Variants in B4GALT5 observed in about 807,000 individuals in gnomAD.
The protein encoded by B4GALT5 is UDP-Gal:beta-GlcNAc beta-1,4-galactosyltransferase 5.
In B4GALT5, 11 loss-of-function variants were observed where a neutral mutation model predicts 45.0. The ratio of observed to expected loss-of-function variants is 0.24; its 90% confidence interval spans 0.15 to 0.40. The LOEUF (loss-of-function observed/expected upper bound fraction) is 0.40. Among genes scored for constraint, B4GALT5 ranks in the 10% least tolerant of loss-of-function variants. The pLI is 1.00. For missense variants in B4GALT5, 337 were observed against 500.2 expected (o/e 0.67, Z 3.11); for synonymous variants, 185 against 182.9 (o/e 1.01, Z -0.09).
At chr20:49,668,862 C>A (rs938141729) in intron 1 of B4GALT5, among the ~76,000 whole-genome samples, 12 of 152,100 alleles carry the variant, frequency 7.9e-5, no homozygotes, top group African/African-American at 2.9e-4. Flanking sequence ...GACACCCGCT[C>A]ATACTAAGCT....
chr20:49,704,803 AT>A (rs11477983), intron 1 of B4GALT5, among the ~76,000 whole-genome samples: 1,897 of 152,106 alleles, frequency 0.012, 40 homozygotes, highest in African/African-American at 0.044. Context: ...ACTCCACAAT[AT>A]TTTTCATCTT....
At chr20:49,682,740 A>T (rs1347737933) in intron 1 of B4GALT5, among the ~76,000 whole-genome samples, 2 of 145,656 alleles carry the variant, frequency 1.4e-5, no homozygotes, top group East Asian at 3.9e-4. Context: ...CAGCAGCCCA[A>T]TAAATATTTG....
At chr20:49,664,256 T>A (rs1282811703) in intron 1 of B4GALT5, among the ~76,000 whole-genome samples, 1 of 152,098 alleles carries the variant, frequency 6.6e-6, no homozygotes, top group Non-Finnish European at 1.5e-5. Flanking sequence ...TCTCACTCTG[T>A]CACCCAGGTT....
chr20:49,636,864 G>C (rs2085555939), intron 8 of B4GALT5, among the ~76,000 whole-genome samples: 1 of 151,032 alleles, frequency 6.6e-6, no homozygotes, highest in Admixed American at 6.6e-5. Flanking sequence ...TCAGCAATTA[G>C]AATTGGTTGT....
In B4GALT5 at chr20:49,647,008, G is replaced by C. The variant is rs1207557776; in HGVS notation, c.321C>G (p.Thr107=). 1 of 1,613,936 alleles carries C rather than the reference G, an allele frequency of 6.2e-7. No individual in the cohort carries two copies. The highest frequency in any genetic ancestry group is 1.3e-5 in the African/African-American group (1 of 74,944). The change falls in exon 3 of 9, where the codon ACC becomes ACG. Residue 107 remains threonine, a synonymous_variant. Coordinates refer to ENST00000371711, the MANE Select transcript of B4GALT5 (RefSeq NM_004776.4). The part of the protein sequence containing the change: ...QTTTFLPEDF[T]YFANHTCPER... ...CAGGGCAGGTATGGTTTGCAAAGTA[G>C]GTGAAGTCTTCAGGAAGAAATGTTG...
Position 49,656,583 on chromosome 20 carries a change from T to G in B4GALT5, c.235A>C (p.Ser79Arg). 6.2e-7 allele frequency: 1 copy of G among 1,614,186 alleles called. No homozygotes were observed. Among genetic ancestry groups the G allele is most frequent in the Non-Finnish European group, 8.5e-7 (1 of 1,180,018 alleles). Residue 79 changes from serine to arginine, a missense_variant, in exon 2 of 9, where the codon AGT becomes CGT. Physicochemically the swap from Ser to Arg is moderately radical, Grantham distance 110 (BLOSUM62 -1). Coordinates refer to ENST00000371711, the MANE Select transcript of B4GALT5 (RefSeq NM_004776.4). ...AAAAATATACCTGAGTCATTTACAC[T>G]GCTGTTCCTCTTGGCATAAGCACTC... is the stretch of plus-strand genomic sequence containing the variant. ...LRSAYAKRNS[S>R]VNDSDYPLDL...
At chr20:49,700,075 T>A (rs928961790) in intron 1 of B4GALT5, among the ~76,000 whole-genome samples, 5 of 152,162 alleles carry the variant, frequency 3.3e-5, no homozygotes, top group Non-Finnish European at 5.9e-5. Context: ...TTGCCTCCTA[T>A]CTACCACGCC....
chr20:49,656,429 T>A (rs2085643210), intron 2 of B4GALT5, 139 bp downstream of exon 2: 1 of 1,095,962 alleles, frequency 9.1e-7, no homozygotes, highest in Admixed American at 2.3e-5. Context: ...TGGCAAGAGC[T>A]TTTTTAGCAG....
chr20:49,712,558 C>T (rs373276742), intron 1 of B4GALT5, among the ~76,000 whole-genome samples: 47 of 152,268 alleles, frequency 3.1e-4, no homozygotes, highest in African/African-American at 1.0e-3. Flanking sequence ...CATCTTTCCT[C>T]CATGCTCCCC....
chr20:49,690,283 G>A (rs185593167), intron 1 of B4GALT5, among the ~76,000 whole-genome samples: 211 of 152,304 alleles, frequency 1.4e-3, no homozygotes, highest in Admixed American at 0.013. Flanking sequence ...GGGGATTACA[G>A]GCATGAGCCA....
chr20:49,703,741 T>A (rs1192786504), intron 1 of B4GALT5, among the ~76,000 whole-genome samples: 2 of 143,454 alleles, frequency 1.4e-5, no homozygotes, highest in Admixed American at 6.9e-5. Context: ...AAAAAAAAAA[T>A]AGCCAGGGGT....
intron 1 of B4GALT5, among the ~76,000 whole-genome samples, chr20:49,681,278 C>T (rs1176691544): frequency 2.0e-5 from 3 of 150,268 alleles, no homozygotes; most frequent in South Asian, 2.1e-4. Context: ...TAAACTTAGC[C>T]GGAAGGACAC....
intron 2 of B4GALT5, among the ~76,000 whole-genome samples, chr20:49,651,171 G>A (rs1304237805): frequency 2.6e-5 from 4 of 151,306 alleles, no homozygotes; most frequent in African/African-American, 4.9e-5. Flanking sequence ...CTGTAGCTCC[G>A]GCTACTCAGG....
chr20:49,643,428 T>C, intron 4 of B4GALT5, 98 bp downstream of exon 4: 1 of 1,478,204 alleles, frequency 6.8e-7, no homozygotes, highest in Non-Finnish European at 9.2e-7. Context: ...AGGATGAAAA[T>C]GACAAAATGT....
intron 1 of B4GALT5, among the ~76,000 whole-genome samples, chr20:49,703,140 C>T (rs1316037721): frequency 1.4e-5 from 2 of 143,214 alleles, no homozygotes; most frequent in Non-Finnish European, 3.0e-5. Flanking sequence ...CGCCACTGCA[C>T]TCCAGCCTGG....
chr20:49,691,121 A>G (rs1235789155), intron 1 of B4GALT5, among the ~76,000 whole-genome samples: 1 of 152,192 alleles, frequency 6.6e-6, no homozygotes, highest in Non-Finnish European at 1.5e-5. Context: ...TAAGTAATTT[A>G]TTATTAATTT....
intron 8 of B4GALT5, 134 bp from the exon 9 acceptor site, chr20:49,636,593 A>T (rs568133149): frequency 1.0e-6 from 1 of 990,076 alleles, no homozygotes; most frequent in East Asian, 2.6e-5. Flanking sequence ...AGGTGGGCGC[A>T]CGGCCAATTC....
At chr20:49,660,665 T>C (rs1331928034) in intron 1 of B4GALT5, among the ~76,000 whole-genome samples, 1 of 152,208 alleles carries the variant, frequency 6.6e-6, no homozygotes, top group Non-Finnish European at 1.5e-5. Context: ...AATCAAACTG[T>C]AGGACCTTTC....
chr20:49,690,358 G>A (rs1167937420), intron 1 of B4GALT5, among the ~76,000 whole-genome samples: 1 of 152,006 alleles, frequency 6.6e-6, no homozygotes, highest in African/African-American at 2.4e-5. Flanking sequence ...AGTCTCTGGT[G>A]TGAAGAGACA....
Sources: allele counts gnomAD v4.1 joint callset (sites outside exome capture counted in the v4.1 genomes callset), GRCh38; gene constraint gnomAD v4.1.1; transcripts MANE v1.5; gene names NCBI Gene and HGNC (gene_info 2026-07-23, HGNC 2026-07-21).